DOCK6: variants seen among roughly 807,000 people sequenced by gnomAD.
DOCK6 encodes the protein dedicator of cytokinesis 6, also known as dedicator of cytokinesis protein 6.
Under a neutral mutation model 230.3 loss-of-function variants are expected in DOCK6, and 167 were observed. That is an observed-to-expected ratio of 0.73 (90% CI 0.64 to 0.82). The LOEUF (loss-of-function observed/expected upper bound fraction) is 0.82. Among genes scored for constraint, DOCK6 ranks in the 40% least tolerant of loss-of-function variants. The pLI is 0.00. For synonymous variants in DOCK6, 1,148 were observed against 1,185.0 expected (o/e 0.97, Z 0.64); for missense variants, 2,598 against 2,825.8 (o/e 0.92, Z 1.83).
At chr19:11,228,488 C>T (rs1021405712) in intron 23 of DOCK6, among the ~76,000 whole-genome samples, 7 of 151,732 alleles carry the variant, frequency 4.6e-5, no homozygotes, top group African/African-American at 1.5e-4. Flanking sequence ...CTCTCACCTC[C>T]CTAGGTTGTG....
intron 24 of DOCK6, among the ~76,000 whole-genome samples, chr19:11,225,302 G>C (rs1178273852): frequency 6.6e-6 from 1 of 152,274 alleles, no homozygotes; most frequent in Admixed American, 6.5e-5. Flanking sequence ...TCACCATCTG[G>C]ATCAGCCCCT....
At chr19:11,242,383 T>C (rs2079961272) in intron 13 of DOCK6, among the ~76,000 whole-genome samples, 176 bp from the exon 14 acceptor site, 1 of 151,730 alleles carries the variant, frequency 6.6e-6, no homozygotes, top group Non-Finnish European at 1.5e-5. Context: ...TCACCCTAAA[T>C]TTTTTTTCGT....
intron 24 of DOCK6, among the ~76,000 whole-genome samples, chr19:11,225,685 G>A (rs759132895): frequency 4.0e-5 from 6 of 151,556 alleles, no homozygotes; most frequent in Admixed American, 2.0e-4. Context: ...GAGCAAGACC[G>A]TGTCTCAAAC....
At position 11,248,164 on chromosome 19, in the gene DOCK6, G is replaced by T; in HGVS notation, c.721-13C>A. The T allele has an allele frequency of 6.4e-7, 1 of 1,568,510 alleles. No individual in the cohort carries two copies. Among genetic ancestry groups the T allele is most frequent in the Non-Finnish European group, 8.7e-7 (1 of 1,143,838 alleles). Reference sequence around the variant, plus strand: ...CCACGGCTTCATCCTGCCAAGAGTGGGGGGTGGGAGCTGGGCGGGAGGAGC... The same window carrying T: ...CCACGGCTTCATCCTGCCAAGAGTGTGGGGTGGGAGCTGGGCGGGAGGAGC... On this transcript the variant is annotated splice_polypyrimidine_tract_variant and intron_variant, in intron 6 of 47. Transcript: ENST00000294618.
intron 1 of DOCK6, among the ~76,000 whole-genome samples, chr19:11,255,580 C>A (rs560147747): frequency 1.2e-4 from 18 of 152,156 alleles, no homozygotes; most frequent in African/African-American, 4.3e-4. Flanking sequence ...TTTTTTTTGA[C>A]AGAATGAGTG....
Position 11,236,957 on chromosome 19 carries a change from CG to C in DOCK6, c.2074-79del. ...GGTCACCCAGCGGCCCCAGCCATTG[CG>C]ACACTGCAGCGTGAGTGTAGCCCGG... is the stretch of plus-strand genomic sequence containing the variant. On this transcript the variant is annotated intron_variant, in intron 18 of 47. Transcript: ENST00000294618. The surrounding 1 kb of genome is among the most constrained non-coding windows in gnomAD (Gnocchi z 5.2). 8 of 1,425,480 alleles carry C rather than the reference CG, an allele frequency of 5.6e-6. No individual in the cohort carries two copies. Among genetic ancestry groups the C allele is most frequent in the Non-Finnish European group, 7.6e-6 (8 of 1,053,048 alleles). 88.3% of individuals were successfully genotyped at this position (1,425,480 alleles called of 1,614,324 possible).
Position 11,212,089 on chromosome 19 carries a change from C to T in DOCK6, c.4554G>A (p.Gln1518=). 1 of 1,612,198 alleles carries T rather than the reference C, an allele frequency of 6.2e-7. No homozygotes were observed. The change falls in exon 36 of 48, where the codon CAG becomes CAA. Residue 1518 remains glutamine, a synonymous_variant. Coordinates refer to ENST00000294618, the MANE Select transcript of DOCK6 (RefSeq NM_020812.4). ...GTCGCAGGTGCTCTTCACTGAAGTTCTGCGTCGTCCCCACCAGGGACGAGA... is the reference window on the plus strand; with the variant it reads ...GTCGCAGGTGCTCTTCACTGAAGTTTTGCGTCGTCCCCACCAGGGACGAGA... ...MSLSSLVGTT[Q]NFSEEHLRRS...
chr19:11,243,051 C>T lies in DOCK6; in HGVS notation c.1480+8G>A. 6.2e-7 allele frequency: 1 copy of T among 1,613,592 alleles called. No individual in the cohort carries two copies. Among genetic ancestry groups the T allele is most frequent in the Non-Finnish European group, 8.5e-7 (1 of 1,179,828 alleles). On this transcript the variant is annotated splice_region_variant and intron_variant, in intron 13 of 47. Transcript: ENST00000294618. The surrounding 1 kb of genome is among the most constrained non-coding windows in gnomAD (Gnocchi z 6.3). The stretch of plus-strand genomic sequence containing the variant: ...TGATACTTCTTGTGTATGGGGTGTG[C>T]CACGCACCAGTCACAGGACGTAGTC...
chr19:11,260,118 G>T, intron 1 of DOCK6, among the ~76,000 whole-genome samples: 1 of 152,028 alleles, frequency 6.6e-6, no homozygotes, highest in Non-Finnish European at 1.5e-5. Flanking sequence ...GTAGACACCT[G>T]GGTGCCCAAG....
chr19:11,246,033 T>C (rs910807145), intron 7 of DOCK6, among the ~76,000 whole-genome samples, 155 bp from the exon 8 acceptor site: 11 of 151,340 alleles, frequency 7.3e-5, no homozygotes, highest in Admixed American at 7.2e-4. Context: ...CATCTCATTT[T>C]GCAAAAGGGG....
At chr19:11,206,670 C>T (rs1224769530) in intron 39 of DOCK6, among the ~76,000 whole-genome samples, 1 of 152,054 alleles carries the variant, frequency 6.6e-6, no homozygotes, top group African/African-American at 2.4e-5. Context: ...AGAAAAGATA[C>T]ATCAGAGATC....
At chr19:11,239,510 C>A in intron 14 of DOCK6, 2 of 1,163,448 alleles carry the variant, frequency 1.7e-6, no homozygotes, top group Non-Finnish European at 2.5e-6. Flanking sequence ...ACTATCGCAC[C>A]ACTGCCAGGC....
Position 11,229,262 on chromosome 19 carries a change from G to A in DOCK6, c.2719-227C>T. Reference sequence around the variant, plus strand: ...ACTGGACCCCTTTGCTGGGGACCAGGACAAAAATAGCGTCATCCGCACCTC... The same window carrying A: ...ACTGGACCCCTTTGCTGGGGACCAGAACAAAAATAGCGTCATCCGCACCTC... On this transcript the variant is annotated intron_variant, in intron 22 of 47. Transcript: ENST00000294618. 2.3e-6 allele frequency: 3 copies of A among 1,322,566 alleles called. No homozygotes were observed. The South Asian group carries it at 6.1e-5, about 27-fold the overall frequency. 81.9% of individuals were successfully genotyped at this position (1,322,566 alleles called of 1,614,324 possible).
Position 11,209,089 on chromosome 19 carries a change from T to C in DOCK6, c.4766A>G (p.Tyr1589Cys). ...IDLMYRIARG[Y>C]QGSPDLRLTW... ...CAGCCGAAGGTCCGGTGAGCCCTGGTAGCCCCGGGCAATTCTGGAGTCCAG... is the reference window on the plus strand; with the variant it reads ...CAGCCGAAGGTCCGGTGAGCCCTGGCAGCCCCGGGCAATTCTGGAGTCCAG... The change falls in exon 38 of 48, where the codon TAC (tyrosine) becomes TGC (cysteine). Residue 1589 changes from tyrosine (Y) to cysteine (C), a missense_variant. By Grantham distance (194) the Tyr-to-Cys change is radical. Coordinates refer to ENST00000294618, the MANE Select transcript of DOCK6 (RefSeq NM_020812.4). 1 of 1,611,820 alleles carries C rather than the reference T, an allele frequency of 6.2e-7. No individual in the cohort carries two copies. Among genetic ancestry groups the C allele is most frequent in the East Asian group, 2.2e-5 (1 of 44,862 alleles).
intron 5 of DOCK6, chr19:11,251,897 C>G: frequency 3.2e-6 from 2 of 626,252 alleles, no homozygotes; most frequent in Admixed American, 6.1e-5. Context: ...GCTGCCCTGA[C>G]TCCTAGGATG....
chr19:11,245,615 G>T lies in DOCK6; in HGVS notation c.971C>A (p.Ser324Tyr). The T allele has an allele frequency of 6.3e-7, 1 of 1,588,108 alleles. No homozygotes were observed. Among genetic ancestry groups the T allele is most frequent in the Admixed American group, 1.8e-5 (1 of 55,758 alleles). The change falls in exon 9 of 48, where the codon TCT becomes TAT. Residue 324 changes from serine to tyrosine, a missense_variant. Transcript: ENST00000294618. ...GGGGTAGGTCACAGAGAAGATGGCAGAGCGGGCCAGGGTGGAGATGGCAGG... is the reference window on the plus strand; with the variant it reads ...GGGGTAGGTCACAGAGAAGATGGCATAGCGGGCCAGGGTGGAGATGGCAGG... ...THPAISTLARSAIFSVTYPSP... is the reference protein window; with the variant it reads ...THPAISTLARYAIFSVTYPSP...
rs1421776737 is a variant in DOCK6 at position 11,243,330 on chromosome 19, A to G, written c.1314T>C (p.Ser438=). 1 of 1,598,470 alleles carries G rather than the reference A, an allele frequency of 6.3e-7. No individual in the cohort carries two copies. Among genetic ancestry groups the G allele is most frequent in the African/African-American group, 1.3e-5 (1 of 74,582 alleles). Residue 438 remains serine, a synonymous_variant, in exon 12 of 48, where the codon AGT becomes AGC. Coordinates refer to ENST00000294618, the MANE Select transcript of DOCK6 (RefSeq NM_020812.4). This position sits in a 1 kb window ranked among gnomAD's most constrained non-coding sequence, Gnocchi z 6.3. The stretch of plus-strand genomic sequence containing the variant: ...AGAAGCTGCAGGCGTCGTCCCCACT[A>G]CTCGCCCGGTCCTGGGGCCCCCGAC... The part of the protein sequence containing the change: ...RRRRGPQDRA[S]SGDDACSFSG...
intron 1 of DOCK6, among the ~76,000 whole-genome samples, chr19:11,255,891 A>G (rs1388525550): frequency 2.0e-5 from 3 of 152,058 alleles, no homozygotes; most frequent in Non-Finnish European, 2.9e-5. Flanking sequence ...GGTTCACGCC[A>G]TTCTCCTGCC....
intron 39 of DOCK6, among the ~76,000 whole-genome samples, chr19:11,207,068 C>G (rs56048141): frequency 6.6e-6 from 1 of 152,054 alleles, no homozygotes; most frequent in Non-Finnish European, 1.5e-5. Context: ...CTCCTGACCT[C>G]GTGATCCGCC....
Sources: gnomAD v4.1 joint callset for allele counts (sites outside exome capture counted in the v4.1 genomes callset) on GRCh38, gnomAD v4.1.1 for gene constraint, Gnocchi (gnomAD v3.1) non-coding constraint, MANE v1.5 for transcripts, NCBI Gene and HGNC (gene_info 2026-07-23, HGNC 2026-07-21) for gene names.